The following SYTL2 variants were observed in gnomAD, a reference collection of about 807,000 sequenced individuals.
SYTL2 encodes the protein synaptotagmin like 2, also known as synaptotagmin-like protein 2.
Under a neutral mutation model 198.7 loss-of-function variants are expected in SYTL2, and 165 were observed. The observed-to-expected ratio is 0.83, with a 90% CI of 0.73 to 0.94. The LOEUF (loss-of-function observed/expected upper bound fraction) is 0.94. Ranked by LOEUF, SYTL2 falls within the 40% of genes least tolerant of loss-of-function variation. SYTL2 has a pLI of 0.00. For synonymous variants in SYTL2, 966 were observed against 917.7 expected, an observed-to-expected ratio of 1.05 and a Z score of -0.95; for missense variants, 2,835 against 2,582.8, an observed-to-expected ratio of 1.10 and a Z score of -2.12.
chr11:85,750,522 T>G (rs583122), intron 2 of SYTL2, among the ~76,000 whole-genome samples: 5 of 151,994 alleles, frequency 3.3e-5, no homozygotes, highest in Non-Finnish European at 7.4e-5. Context: ...TACTATATCA[T>G]ATTCCAGTGA....
At chr11:85,700,905 G>C (rs1053411398) in intron 16 of SYTL2, among the ~76,000 whole-genome samples, 1 of 152,086 alleles carries the variant, frequency 6.6e-6, no homozygotes, top group Non-Finnish European at 1.5e-5. Context: ...CTTTAATTTT[G>C]ATCAAAACAC....
intron 1 of SYTL2, among the ~76,000 whole-genome samples, chr11:85,761,611 A>G (rs1289047673): frequency 6.6e-6 from 1 of 152,206 alleles, no homozygotes; most frequent in African/African-American, 2.4e-5. Context: ...CCTTCTACAC[A>G]TGTGGCGCTG....
At chr11:85,813,920 G>A (rs116009607), upstream of SYTL2, among the ~76,000 whole-genome samples, 259 of 152,192 alleles carry the variant, frequency 1.7e-3, 1 homozygote, top group African/African-American at 5.9e-3. Flanking sequence ...ACGTGGTTTC[G>A]CAATGTTGAC....
intron 13 of SYTL2, among the ~76,000 whole-genome samples, chr11:85,710,864 GTTTA>G (rs1341858411): frequency 2.0e-5 from 3 of 151,922 alleles, no homozygotes; most frequent in East Asian, 1.9e-4. Context: ...GGCAATTTAA[GTTTA>G]TTTGTGAAGT....
At chr11:85,737,758 CT>C (rs1409407194) in intron 4 of SYTL2, 102 bp from the exon 5 acceptor site, 1 of 904,930 alleles carries the variant, frequency 1.1e-6, no homozygotes, top group African/African-American at 1.7e-5. Flanking sequence ...GGAGAGGAAG[CT>C]GGTGCAGAAG....
At chr11:85,843,437 G>A in the SYTL2 span, among the ~76,000 whole-genome samples, 9 of 152,124 alleles carry the variant, frequency 5.9e-5, no homozygotes, top group Admixed American at 5.9e-4. Flanking sequence ...AAAGCTAAGT[G>A]GAGGCTGGTG....
intron 1 of SYTL2, among the ~76,000 whole-genome samples, chr11:85,782,582 T>C (rs1313265291): frequency 6.6e-6 from 1 of 152,252 alleles, no homozygotes; most frequent in Non-Finnish European, 1.5e-5. Context: ...CAAACTTTTA[T>C]GCTCTGCTTC....
the SYTL2 span, among the ~76,000 whole-genome samples, chr11:85,817,220 T>G: frequency 2.6e-5 from 4 of 152,172 alleles, no homozygotes; most frequent in Non-Finnish European, 5.9e-5. Flanking sequence ...TAGACTAAAT[T>G]CGTGTATACC....
intron 3 of SYTL2, 133 bp downstream of exon 3, chr11:85,748,139 T>A: frequency 9.5e-7 from 1 of 1,056,016 alleles, no homozygotes; most frequent in Admixed American, 2.3e-5. Flanking sequence ...AAATTTAAAC[T>A]AGAGGGCCAC....
At chr11:85,754,497 A>G (rs1157726332) in intron 2 of SYTL2, among the ~76,000 whole-genome samples, 1 of 152,228 alleles carries the variant, frequency 6.6e-6, no homozygotes, top group Non-Finnish European at 1.5e-5. Flanking sequence ...GGAAGATTAA[A>G]AATTATTTTT....
At chr11:85,841,784 T>C in the SYTL2 span, among the ~76,000 whole-genome samples, 1 of 152,176 alleles carries the variant, frequency 6.6e-6, no homozygotes, top group African/African-American at 2.4e-5. Flanking sequence ...CAAGTTTACC[T>C]ATATAACAAA....
intron 9 of SYTL2, chr11:85,719,364 A>G (rs915215557): frequency 4.5e-6 from 5 of 1,120,582 alleles, no homozygotes; most frequent in African/African-American, 1.6e-5. Flanking sequence ...AGTATTTGGA[A>G]GGGAGCGTGC....
At chr11:85,846,011 C>T in the SYTL2 span, among the ~76,000 whole-genome samples, 1 of 152,234 alleles carries the variant, frequency 6.6e-6, no homozygotes, top group Non-Finnish European at 1.5e-5. Context: ...TGATCTCTCG[C>T]TCCTGTGGCT....
intron 17 of SYTL2, among the ~76,000 whole-genome samples, chr11:85,698,537 T>A (rs1195244465): frequency 6.6e-6 from 1 of 152,060 alleles, no homozygotes; most frequent in African/African-American, 2.4e-5. Flanking sequence ...TTTTTAAGAG[T>A]AGTTATACTT....
the SYTL2 span, among the ~76,000 whole-genome samples, chr11:85,826,759 A>C: frequency 6.6e-6 from 1 of 152,242 alleles, no homozygotes; most frequent in African/African-American, 2.4e-5. Flanking sequence ...ATAAAGCTCT[A>C]GTTCACAGTC....
the SYTL2 span, among the ~76,000 whole-genome samples, chr11:85,816,673 G>A: frequency 6.6e-6 from 1 of 152,172 alleles, no homozygotes; most frequent in African/African-American, 2.4e-5. Flanking sequence ...ACTTTGGGAC[G>A]CTGAAGCAGT....
chr11:85,807,648 T>A (rs2092975898), intron 1 of SYTL2, among the ~76,000 whole-genome samples: 1 of 152,206 alleles, frequency 6.6e-6, no homozygotes, highest in African/African-American at 2.4e-5. Flanking sequence ...CTGTGCAAAT[T>A]AGTTTTTTAA....
chr11:85,764,036 T>TA (rs1438481069), intron 1 of SYTL2, among the ~76,000 whole-genome samples: 1 of 152,254 alleles, frequency 6.6e-6, no homozygotes, highest in African/African-American at 2.4e-5. Context: ...CTAAAGCTGC[T>TA]AACTGCACAG....
chr11:85,775,944 T>C (rs1180014753), intron 1 of SYTL2, among the ~76,000 whole-genome samples: 2 of 152,234 alleles, frequency 1.3e-5, no homozygotes, highest in Admixed American at 6.5e-5. Flanking sequence ...AAATCTCATA[T>C]TGAAATTTAA....
Sources: gnomAD v4.1 joint callset for allele counts (sites outside exome capture counted in the v4.1 genomes callset) on GRCh38, gnomAD v4.1.1 for gene constraint, MANE v1.5 for transcripts, NCBI Gene and HGNC (gene_info 2026-07-23, HGNC 2026-07-21) for gene names.